Variants in VIPR1 observed in about 807,000 individuals in gnomAD.
VIPR1 encodes vasoactive intestinal peptide receptor 1, also known as vasoactive intestinal polypeptide receptor 1.
A neutral mutation model predicts 58.8 loss-of-function variants in VIPR1; 59 were observed. That is an observed-to-expected ratio of 1.00 (90% CI 0.81 to 1.25). The LOEUF is 1.25. VIPR1 is among the 50% of genes most tolerant of loss of function. The probability of loss-of-function intolerance (pLI) is 0.00; values close to 1 mark genes in which losing one functional copy is unlikely to be tolerated. For synonymous variants in VIPR1, 251 were observed against 242.1 expected (o/e 1.04, Z -0.34); for missense variants, 626 against 602.7 (o/e 1.04, Z -0.40).
intron 1 of VIPR1, among the ~76,000 whole-genome samples, chr3:42,490,332 C>T (rs1699644072): frequency 6.6e-6 from 1 of 152,250 alleles, no homozygotes; most frequent in Non-Finnish European, 1.5e-5. Flanking sequence ...CTAATGCTGT[C>T]AGGGTCCCTA....
intron 1 of VIPR1, among the ~76,000 whole-genome samples, chr3:42,504,960 G>A (rs1700047037): frequency 6.8e-6 from 1 of 146,880 alleles, no homozygotes; most frequent in Admixed American, 6.8e-5. Flanking sequence ...AGAGGAGGAA[G>A]TCTGCCCCAA....
rs1034178720 is a variant in VIPR1 at position 42,531,587 on chromosome 3, G to A, written c.851+56G>A. On this transcript the variant is annotated intron_variant, in intron 8 of 12. Coordinates refer to ENST00000325123, the MANE Select transcript of VIPR1 (RefSeq NM_004624.4). ...CGCCATCACTTGGGCAGGCCCCCTG[G>A]GTGGGATGATAATGCCATCTGGCCT... 4 of 1,582,592 alleles carry A rather than the reference G, an allele frequency of 2.5e-6. No individual in the cohort carries two copies. The African/African-American group carries it at 4.0e-5, about 16-fold the overall frequency.
At chr3:42,535,453 G>A (rs1701793411) in intron 12 of VIPR1, 69 bp downstream of exon 12, 1 of 1,543,234 alleles carries the variant, frequency 6.5e-7, no homozygotes, top group Non-Finnish European at 9.0e-7. Context: ...AAACATTGGT[G>A]GGATATGTGC....
At chr3:42,525,344 C>T (rs1419552299) in intron 3 of VIPR1, among the ~76,000 whole-genome samples, 3 of 152,028 alleles carry the variant, frequency 2.0e-5, no homozygotes, top group Non-Finnish European at 4.4e-5. Flanking sequence ...CCCTCACATG[C>T]CTTTGCCTGC....
intron 2 of VIPR1, 117 bp from the exon 3 acceptor site, chr3:42,519,106 C>A: frequency 1.2e-6 from 1 of 800,734 alleles, no homozygotes; most frequent in South Asian, 2.4e-5. Flanking sequence ...ACTGGAGGCT[C>A]CTTGAGGTGG....
intron 4 of VIPR1, among the ~76,000 whole-genome samples, chr3:42,526,202 G>A (rs572307373): frequency 3.9e-5 from 6 of 152,322 alleles, no homozygotes; most frequent in African/African-American, 9.6e-5. Context: ...TTTCCCACAG[G>A]AGGGGCCCCC....
At position 42,531,839 on chromosome 3, in the gene VIPR1, C is replaced by T. The variant is rs777453278; in HGVS notation, c.888C>T (p.Ile296=). 2.0e-5 allele frequency: 32 copies of T among 1,614,042 alleles called. No homozygotes were observed. Among genetic ancestry groups the T allele is most frequent in the Non-Finnish European group, 2.7e-5 (32 of 1,180,030 alleles). ...WDTINSSLWW[I]IKGPILTSIL... ...CCATCAACTCCTCACTGTGGTGGAT[C>T]ATAAAGGGCCCCATCCTCACCTCCA... Residue 296 remains isoleucine, a synonymous_variant, in exon 9 of 13, where the codon ATC becomes ATT. Transcript: ENST00000325123.
chr3:42,528,393 T>C, intron 6 of VIPR1: 1 of 491,466 alleles, frequency 2.0e-6, no homozygotes, highest in Non-Finnish European at 3.7e-6. Context: ...AATGGGACAC[T>C]TCATGGCCAC....
upstream of VIPR1, among the ~76,000 whole-genome samples, chr3:42,499,433 G>C (rs554530565): frequency 5.9e-5 from 9 of 152,332 alleles, no homozygotes; most frequent in African/African-American, 2.2e-4. Context: ...CACGGGGGAT[G>C]GCAAGTGACT....
intron 6 of VIPR1, 72 bp from the exon 7 acceptor site, chr3:42,530,707 C>T: frequency 1.9e-6 from 3 of 1,545,064 alleles, no homozygotes; most frequent in South Asian, 1.2e-5. Context: ...TTTGTCCCCC[C>T]AGACACGAGT....
At chr3:42,493,536 GGAGGGATTA>G (rs1388287866) in intron 1 of VIPR1, among the ~76,000 whole-genome samples, 1 of 152,206 alleles carries the variant, frequency 6.6e-6, no homozygotes, top group African/African-American at 2.4e-5. Flanking sequence ...GGGGGACAGA[GGAGGGATTA>G]GAGCTGGGCT....
chr3:42,527,339 CT>C, intron 4 of VIPR1, 53 bp from the exon 5 acceptor site: 2 of 1,555,708 alleles, frequency 1.3e-6, no homozygotes, highest in Non-Finnish European at 1.8e-6. Context: ...CCAATACCCC[CT>C]AGATGAGCCT....
upstream of VIPR1, among the ~76,000 whole-genome samples, chr3:42,498,922 C>T (rs558998493): frequency 2.0e-4 from 30 of 152,310 alleles, no homozygotes; most frequent in Non-Finnish European, 2.4e-4. Context: ...CTGCCCTCCA[C>T]CAAATTACAG....
intron 1 of VIPR1, chr3:42,507,762 C>G (rs1009869881): frequency 6.6e-6 from 1 of 152,124 alleles, no homozygotes. Context: ...AGTGTCTGTG[C>G]TTGGGTTCTG....
intron 1 of VIPR1, among the ~76,000 whole-genome samples, chr3:42,510,221 G>A (rs1258017913): frequency 6.6e-6 from 1 of 152,092 alleles, no homozygotes; most frequent in Non-Finnish European, 1.5e-5. Flanking sequence ...TACTTTCTGG[G>A]GTGCTCTTAC....
intron 1 of VIPR1, chr3:42,512,002 T>C (rs562316732): frequency 1.3e-5 from 2 of 152,342 alleles, no homozygotes; most frequent in East Asian, 3.9e-4. Context: ...TACGAGTAAC[T>C]GTATCATGCT....
intron 1 of VIPR1, among the ~76,000 whole-genome samples, chr3:42,490,094 A>G (rs960456623): frequency 2.6e-5 from 4 of 151,696 alleles, no homozygotes; most frequent in African/African-American, 9.7e-5. Flanking sequence ...TGGTCTCCCT[A>G]CTTAGCCTGG....
upstream of VIPR1, among the ~76,000 whole-genome samples, chr3:42,498,989 C>G (rs1399194823): frequency 2.0e-4 from 30 of 152,152 alleles, no homozygotes; most frequent in Admixed American, 2.0e-3. Flanking sequence ...GAAGGTGCAC[C>G]CTGGGGAGGT....
At chr3:42,522,521 A>T (rs1701004706) in intron 3 of VIPR1, among the ~76,000 whole-genome samples, 1 of 151,966 alleles carries the variant, frequency 6.6e-6, no homozygotes, top group East Asian at 1.9e-4. Context: ...TCTATGGGAT[A>T]CCTCCCCTCC....
Sources: gnomAD v4.1 joint callset for allele counts (sites outside exome capture counted in the v4.1 genomes callset) on GRCh38, gnomAD v4.1.1 for gene constraint, MANE v1.5 for transcripts, NCBI Gene and HGNC (gene_info 2026-07-23, HGNC 2026-07-21) for gene names.